FLNC: variants seen among roughly 807,000 people sequenced by gnomAD.
FLNC encodes the protein filamin C, also known as filamin-C.
Under a neutral mutation model 254.3 loss-of-function variants are expected in FLNC, and 91 were observed. That is an observed-to-expected ratio of 0.36 (90% CI 0.30 to 0.43). The LOEUF (loss-of-function observed/expected upper bound fraction) is 0.43. FLNC is among the 20% of genes least tolerant of loss of function. The pLI, the probability that FLNC is intolerant of heterozygous loss-of-function variation, is 1.00. For synonymous variants in FLNC, 1,430 were observed against 1,577.2 expected (o/e 0.91, Z 2.21); for missense variants, 2,853 against 3,802.6 (o/e 0.75, Z 6.57).
At chr7:128,847,664 G>A (rs1473139123) in intron 24 of FLNC, 33 bp from the exon 25 acceptor site, 4 of 1,613,308 alleles carry the variant, frequency 2.5e-6, no homozygotes, top group Non-Finnish European at 3.4e-6. Context: ...CATCAGGGCT[G>A]GTGGGCAGGG....
Position 128,837,548 on chromosome 7 carries a change from G to T in FLNC, c.850G>T (p.Gly284Cys). Residue 284 changes from glycine (G) to cysteine (C), a missense_variant and splice_region_variant, in exon 4 of 48, where the codon GGC (glycine) becomes TGC (cysteine). Around this residue, in one of 10 missense-constraint regions of FLNC, gnomAD observed 1,573 missense variants for 1,883.5 expected, o/e 0.84. Transcript: ENST00000325888. The stretch of plus-strand genomic sequence containing the variant: ...CAAGAAAGCCATCGCCTATGGGCCT[G>T]GTATGTGTGAGCCCCTGGCGGCCCT... Reference protein sequence around the residue: ...NPKKAIAYGPGIEPQGNTVLQ... With the variant: ...NPKKAIAYGPCIEPQGNTVLQ... The T allele has an allele frequency of 6.2e-7, 1 of 1,614,154 alleles. No homozygotes were observed. The highest frequency in any genetic ancestry group is 8.5e-7 in the Non-Finnish European group (1 of 1,180,032).
intron 32 of FLNC, 29 bp downstream of exon 32, chr7:128,850,512 G>A: frequency 6.4e-7 from 1 of 1,564,010 alleles, no homozygotes; most frequent in South Asian, 1.1e-5. Context: ...CAGGCATGAG[G>A]GCTGAGGGGA....
At chr7:128,833,620 C>A (rs1425254672) in intron 1 of FLNC, among the ~76,000 whole-genome samples, 1 of 75,578 alleles carries the variant, frequency 1.3e-5, no homozygotes, top group Non-Finnish European at 2.4e-5. Context: ...ATACACACCG[C>A]CCCCCCCAAC....
chr7:128,845,377 C>T (rs79147844), intron 21 of FLNC, 122 bp downstream of exon 21: 17 of 806,980 alleles, frequency 2.1e-5, no homozygotes, highest in East Asian at 7.9e-5. Flanking sequence ...GGAGGGCTCT[C>T]GGAGCAGCCC....
At chr7:128,849,156 G>A in intron 28 of FLNC, 25 bp from the exon 29 acceptor site, 4 of 1,612,244 alleles carry the variant, frequency 2.5e-6, no homozygotes, top group Non-Finnish European at 2.5e-6. Context: ...GCACCGCCTG[G>A]CCTCACACTC....
In FLNC at chr7:128,835,247, C is replaced by G. The variant is rs549078815; in HGVS notation, c.353-79C>G. 2.6e-5 allele frequency: 41 copies of G among 1,599,740 alleles called. No homozygotes were observed. The highest frequency in any genetic ancestry group is 3.5e-5 in the Non-Finnish European group (41 of 1,170,786). On this transcript the variant is annotated intron_variant, in intron 1 of 47. Transcript: ENST00000325888. This position sits in a 1 kb window ranked among gnomAD's most constrained non-coding sequence, Gnocchi z 5.3. ...GACCCCAGAGCTCTGGCCCGAGGAGCTGCGCAGGTGAGGGAGGGTGCTCTG... is the reference window on the plus strand; with the variant it reads ...GACCCCAGAGCTCTGGCCCGAGGAGGTGCGCAGGTGAGGGAGGGTGCTCTG...
At position 128,855,088 on chromosome 7, in the gene FLNC, C is replaced by T. The variant is rs1808998938; in HGVS notation, c.7136-111C>T. ...ACCCTCAGAAACATGTGTCTGCCTC[C>T]AGATCTGAGCGCTGACCACAGAGCC... is the stretch of plus-strand genomic sequence containing the variant. On this transcript the variant is annotated intron_variant, in intron 42 of 47. Transcript: ENST00000325888. 5 of 1,064,430 alleles carry T rather than the reference C, an allele frequency of 4.7e-6. No individual in the cohort carries two copies. In the Admixed American group the frequency reaches 6.8e-5, roughly 14 times the overall value. 65.9% of individuals were successfully genotyped at this position (1,064,430 alleles called of 1,614,324 possible).
At chr7:128,855,128 G>A (rs1809000856) in intron 42 of FLNC, 71 bp from the exon 43 acceptor site, 2 of 1,189,198 alleles carry the variant, frequency 1.7e-6, no homozygotes, top group East Asian at 2.3e-5. Context: ...CTGGGATAAG[G>A]CCAGGGTGGG....
rs770264114 is a variant in FLNC, at chr7:128,840,082, G to T, written c.1471G>T (p.Val491Leu). The T allele has an allele frequency of 6.2e-7, 1 of 1,614,020 alleles. No individual in the cohort carries two copies. The highest frequency in any genetic ancestry group is 8.5e-7 in the Non-Finnish European group (1 of 1,180,058). ...AGGCCTGCAGCCCAAGGGTGTTCGC[G>T]TGAAAGAGGTGGCTGACTTCAAGGT... ...GRGLQPKGVR[V>L]KEVADFKVFT... Residue 491 changes from valine to leucine, a missense_variant, in exon 9 of 48, where the codon GTG (valine) becomes TTG (leucine). Physicochemically the swap from Val to Leu is conservative, Grantham distance 32 (BLOSUM62 1). Transcript: ENST00000325888.
In FLNC at chr7:128,842,771, C is replaced by T. The variant is rs1399775880; in HGVS notation, c.2390-23C>T. The T allele has an allele frequency of 6.2e-7, 1 of 1,612,270 alleles. No individual in the cohort carries two copies. The highest frequency in any genetic ancestry group is 1.3e-5 in the African/African-American group (1 of 74,920). ...CGAGTCGGGGGCTGAGCCCAACTCA[C>T]AGCAGTGCCCGCTTCTCTGCAGGCG... On this transcript the variant is annotated intron_variant, in intron 15 of 47. Coordinates refer to ENST00000325888, the MANE Select transcript of FLNC (RefSeq NM_001458.5). This position sits in a 1 kb window ranked among gnomAD's most constrained non-coding sequence, Gnocchi z 5.4.
rs771331325 is a variant in FLNC, at chr7:128,831,025, G to C, written c.352+36G>C. 8.2e-6 allele frequency: 13 copies of C among 1,591,346 alleles called. No homozygotes were observed. In the South Asian group the frequency reaches 1.2e-4, roughly 15 times the overall value. On this transcript the variant is annotated intron_variant, in intron 1 of 47. Transcript: ENST00000325888. ...GGGGCGAGGGCACGGGCGCTGCGGG[G>C]ATAGGGTCGTCCCATGGGGCAGGGG...
chr7:128,855,961 C>T (rs776431797), intron 43 of FLNC, among the ~76,000 whole-genome samples: 13 of 152,198 alleles, frequency 8.5e-5, no homozygotes, highest in Non-Finnish European at 1.6e-4. Flanking sequence ...CCTTCTCCCA[C>T]GCGCCTCCTG....
rs371509764 is a variant in FLNC, at chr7:128,840,013, C to T, written c.1412-10C>T. On this transcript the variant is annotated splice_polypyrimidine_tract_variant and intron_variant, in intron 8 of 47. Coordinates refer to ENST00000325888, the MANE Select transcript of FLNC (RefSeq NM_001458.5). ...CAGCACCCCCAACCTCCTTTCTCTT[C>T]CTCCCCTAGCCTGTAACCCCAACGC... 9 of 1,612,148 alleles carry T rather than the reference C, an allele frequency of 5.6e-6. No homozygotes were observed. The African/African-American group carries it at 8.0e-5, about 14-fold the overall frequency.
In FLNC at chr7:128,842,602, G is replaced by A. The variant is rs373798394; in HGVS notation, c.2293G>A (p.Glu765Lys). 4.4e-5 allele frequency: 68 copies of A among 1,549,694 alleles called. No individual in the cohort carries two copies. Among genetic ancestry groups the A allele is most frequent in the Non-Finnish European group, 5.6e-5 (64 of 1,147,032 alleles). Reference protein sequence around the residue: ...RVNVGEGSHPERVKVYGPGVE... With the variant: ...RVNVGEGSHPKRVKVYGPGVE... ...GAACGTGGGCGAGGGCAGCCACCCC[G>A]AGCGGGTAAAGGTGTACGGCCCCGG... The change falls in exon 15 of 48, where the codon GAG (glutamate) becomes AAG (lysine). Residue 765 changes from glutamate (E) to lysine (K), a missense_variant. Transcript: ENST00000325888. The surrounding 1 kb of genome is among the most constrained non-coding windows in gnomAD (Gnocchi z 5.4).
At position 128,852,970 on chromosome 7, in the gene FLNC, G is replaced by A; in HGVS notation, c.6147G>A (p.Lys2049=). ...GDASKVRVWG[K]GLSEGHTFQV... ...CCAGCAAGGTGCGGGTCTGGGGCAAGGGGCTTTCCGAGGGACACACATTCC... is the reference window on the plus strand; with the variant it reads ...CCAGCAAGGTGCGGGTCTGGGGCAAAGGGCTTTCCGAGGGACACACATTCC... The change falls in exon 37 of 48, where the codon AAG becomes AAA. Residue 2049 remains lysine (K), a synonymous_variant. Transcript: ENST00000325888. The A allele has an allele frequency of 1.2e-6, 2 of 1,613,546 alleles. No individual in the cohort carries two copies. The highest frequency in any genetic ancestry group is 2.7e-5 in the African/African-American group (2 of 75,066).
chr7:128,832,458 G>T (rs1251419961), intron 1 of FLNC, among the ~76,000 whole-genome samples: 1 of 152,230 alleles, frequency 6.6e-6, no homozygotes, highest in Non-Finnish European at 1.5e-5. Flanking sequence ...TACCAGGTGG[G>T]GTCTGGGGGA....
At chr7:128,840,772 T>G in intron 10 of FLNC, 62 bp from the exon 11 acceptor site, 1 of 1,565,956 alleles carries the variant, frequency 6.4e-7, no homozygotes, top group East Asian at 2.2e-5. Flanking sequence ...AGATGGAGTT[T>G]GGGCTGCGAG....
chr7:128,836,477 C>T lies in FLNC; in HGVS notation c.602-683C>T, dbSNP rs1808097021. Among the ~76,000 whole-genome samples, 1 of 152,154 alleles carries T rather than the reference C, an allele frequency of 6.6e-6. No individual in the cohort carries two copies. The highest frequency in any genetic ancestry group is 6.5e-5 in the Admixed American group (1 of 15,282). ...CGGCCCCCTCCCCGAAACGGTGTGC[C>T]GTCCCCCTCCTCCAGCTCTGGCCTA... On this transcript the variant is annotated intron_variant, in intron 2 of 47. Coordinates refer to ENST00000325888, the MANE Select transcript of FLNC (RefSeq NM_001458.5). The surrounding 1 kb of genome is among the most constrained non-coding windows in gnomAD (Gnocchi z 6.0).
intron 42 of FLNC, 140 bp downstream of exon 42, chr7:128,855,052 C>T (rs1259609821): frequency 4.7e-6 from 5 of 1,065,500 alleles, no homozygotes; most frequent in African/African-American, 4.7e-5. Flanking sequence ...CCCCGTCTCC[C>T]TCTACCCCAC....
Sources: allele counts gnomAD v4.1 joint callset (sites outside exome capture counted in the v4.1 genomes callset), GRCh38; gene constraint gnomAD v4.1.1; regional missense constraint gnomAD v4.1.1; non-coding constraint Gnocchi (gnomAD v3.1); transcripts MANE v1.5; gene names NCBI Gene and HGNC (gene_info 2026-07-23, HGNC 2026-07-21).